The following COL15A1 variants were observed in gnomAD, a reference collection of about 807,000 sequenced individuals.
COL15A1 encodes collagen type XV alpha 1 chain.
In COL15A1, 111 loss-of-function variants were observed where a neutral mutation model predicts 165.9. That is an observed-to-expected ratio of 0.67 (90% CI 0.57 to 0.78). COL15A1 has a LOEUF of 0.78. Ranked by LOEUF, COL15A1 falls within the 30% of genes least tolerant of loss-of-function variation. The probability of loss-of-function intolerance (pLI) is 0.00; values close to 1 mark genes in which losing one functional copy is unlikely to be tolerated. For synonymous variants in COL15A1, 659 were observed against 674.8 expected (o/e 0.98, Z 0.36); for missense variants, 1,745 against 1,789.7 (o/e 0.98, Z 0.45).
chr9:98,999,527 C>CTTT (rs1318084201), intron 6 of COL15A1, among the ~76,000 whole-genome samples: 4 of 140,456 alleles, frequency 2.8e-5, no homozygotes, highest in South Asian at 2.3e-4. Context: ...TCTTCTTCTT[C>CTTT]TTTTTTTTTT....
chr9:98,945,939 G>A (rs900321502), intron 2 of COL15A1, among the ~76,000 whole-genome samples: 10 of 152,166 alleles, frequency 6.6e-5, no homozygotes, highest in Non-Finnish European at 1.5e-4. Flanking sequence ...CTAACACAAA[G>A]GAAGCCCTAT....
At chr9:99,029,406 C>G (rs765365914) in intron 16 of COL15A1, among the ~76,000 whole-genome samples, 2 of 152,204 alleles carry the variant, frequency 1.3e-5, no homozygotes, top group Non-Finnish European at 2.9e-5. Context: ...TCATCACCTT[C>G]CCTTTCTCCA....
chr9:99,058,780 C>T (rs1825766536), intron 35 of COL15A1, among the ~76,000 whole-genome samples: 1 of 152,156 alleles, frequency 6.6e-6, no homozygotes, highest in African/African-American at 2.4e-5. Flanking sequence ...TATTAGGAGG[C>T]ATGGCTGGGA....
intron 32 of COL15A1, among the ~76,000 whole-genome samples, 174 bp downstream of exon 32, chr9:99,054,830 A>G (rs1053157301): frequency 6.6e-6 from 1 of 152,216 alleles, no homozygotes; most frequent in Non-Finnish European, 1.5e-5. Flanking sequence ...AATAGGGAAC[A>G]TTGTCAAGAG....
intron 2 of COL15A1, among the ~76,000 whole-genome samples, chr9:98,973,010 C>G (rs541179425): frequency 9.2e-5 from 14 of 152,282 alleles, no homozygotes; most frequent in African/African-American, 3.4e-4. Context: ...AGAGAATGAT[C>G]CCTGCGTTGC....
chr9:99,035,372 C>G lies in COL15A1; in HGVS notation c.2243C>G (p.Thr748Ser). The G allele has an allele frequency of 6.2e-7, 1 of 1,614,174 alleles. No individual in the cohort carries two copies. The highest frequency in any genetic ancestry group is 8.5e-7 in the Non-Finnish European group (1 of 1,180,040). ...GFEDTEGSGSTQLLNEPKLSR... is the reference protein window; with the variant it reads ...GFEDTEGSGSSQLLNEPKLSR... ...CAGGATACCGAAGGCTCTGGAAGCA[C>G]CCAGCTATTGAATGAACCCAAACTC... The change falls in exon 19 of 42, where the codon ACC becomes AGC. Residue 748 changes from threonine (T) to serine (S), a missense_variant. Coordinates refer to ENST00000375001, the MANE Select transcript of COL15A1 (RefSeq NM_001855.5).
At chr9:99,022,761 G>C (rs957871796) in intron 13 of COL15A1, among the ~76,000 whole-genome samples, 2 of 152,192 alleles carry the variant, frequency 1.3e-5, no homozygotes, top group Non-Finnish European at 2.9e-5. Context: ...GGCCCTGCCT[G>C]GTTCCTGTCT....
At chr9:98,996,361 G>T (rs774994929) in intron 5 of COL15A1, among the ~76,000 whole-genome samples, 1 of 152,166 alleles carries the variant, frequency 6.6e-6, no homozygotes, top group Non-Finnish European at 1.5e-5. Flanking sequence ...GGATTTCTGC[G>T]TAGATCACTG....
At chr9:99,050,004 A>T in intron 30 of COL15A1, 109 bp downstream of exon 30, 2 of 1,462,788 alleles carry the variant, frequency 1.4e-6, no homozygotes, top group South Asian at 2.3e-5. Flanking sequence ...GTCCTCTCTG[A>T]TGTCTTCTGT....
At chr9:98,950,594 C>CCTT (rs1588487484) in intron 2 of COL15A1, among the ~76,000 whole-genome samples, 5 of 79,588 alleles carry the variant, frequency 6.3e-5, no homozygotes, top group Admixed American at 1.3e-4. Flanking sequence ...CTTCCTTCCT[C>CCTT]CCTCCCTCCC....
At chr9:98,950,701 A>AC (rs1287593423) in intron 2 of COL15A1, among the ~76,000 whole-genome samples, 11 of 148,814 alleles carry the variant, frequency 7.4e-5, no homozygotes, top group Non-Finnish European at 1.5e-5. Context: ...TGCAACCTCC[A>AC]CCTCCCAGGT....
rs1839448244 is a variant in COL15A1 at position 99,043,575 on chromosome 9, T to A, written c.2575-993T>A. Among the ~76,000 whole-genome samples the A allele has an allele frequency of 2.6e-5, 4 of 152,168 alleles. No individual in the cohort carries two copies. The South Asian group carries it at 8.3e-4, about 32-fold the overall frequency. On this transcript the variant is annotated intron_variant, in intron 24 of 41. Coordinates refer to ENST00000375001, the MANE Select transcript of COL15A1 (RefSeq NM_001855.5). ...CTAATGCTTTTGTGCTTGCTTCTTC[T>A]CCCTGCTGGCGTGCTCAGGACTACC...
At chr9:98,944,331 G>A (rs1837539675) in intron 2 of COL15A1, 81 bp downstream of exon 2, 5 of 1,327,034 alleles carry the variant, frequency 3.8e-6, no homozygotes, top group Admixed American at 1.9e-5. Context: ...ACGCGGCTGC[G>A]ATGCGTGCCT....
chr9:99,015,297 A>G (rs1838910305), intron 9 of COL15A1, 120 bp from the exon 10 acceptor site: 2 of 707,258 alleles, frequency 2.8e-6, no homozygotes, highest in Non-Finnish European at 2.5e-6. Context: ...AGCAAAGGAA[A>G]GGGAATCATG....
At chr9:99,015,705 G>A in intron 10 of COL15A1, 139 bp downstream of exon 10, 1 of 849,528 alleles carries the variant, frequency 1.2e-6, no homozygotes, top group Non-Finnish European at 1.8e-6. Flanking sequence ...CTGCTGGAGG[G>A]AGGCAGGACA....
chr9:99,062,953 A>G (rs1365329438), intron 38 of COL15A1, 97 bp from the exon 39 acceptor site: 1 of 1,437,386 alleles, frequency 7.0e-7, no homozygotes, highest in East Asian at 2.7e-5. Context: ...TATTTAAAGC[A>G]TCTTCTCAAG....
intron 2 of COL15A1, among the ~76,000 whole-genome samples, chr9:98,948,637 G>A (rs1564003121): frequency 6.6e-6 from 1 of 150,732 alleles, no homozygotes; most frequent in Non-Finnish European, 1.5e-5. Flanking sequence ...GTCAGTGGGT[G>A]TCACCCACAT....
intron 2 of COL15A1, among the ~76,000 whole-genome samples, chr9:98,948,506 G>C (rs1158820788): frequency 1.3e-5 from 2 of 150,676 alleles, no homozygotes; most frequent in Non-Finnish European, 2.9e-5. Context: ...GCTGAGGCAG[G>C]AGAATAGCTT....
At position 99,016,073 on chromosome 9, in the gene COL15A1, C is replaced by T. The variant is rs1437278468; in HGVS notation, c.1601C>T (p.Pro534Leu). The stretch of plus-strand genomic sequence containing the variant: ...TCCGGCAGCCCTCCCCCTGATGGGC[C>T]ACCGCTGCCCCTGCCCACAGTGGCT... Reference protein sequence around the residue: ...EESGSPPPDGPPLPLPTVAPE... With the variant: ...EESGSPPPDGLPLPLPTVAPE... Residue 534 changes from proline (P) to leucine (L), a missense_variant, in exon 11 of 42, where the codon CCA becomes CTA. By Grantham distance (98) the Pro-to-Leu change is moderately conservative. Transcript: ENST00000375001. 1.2e-6 allele frequency: 2 copies of T among 1,613,948 alleles called. No homozygotes were observed. The highest frequency in any genetic ancestry group is 1.7e-6 in the Non-Finnish European group (2 of 1,179,896).
Sources: allele counts gnomAD v4.1 joint callset (sites outside exome capture counted in the v4.1 genomes callset), GRCh38; gene constraint gnomAD v4.1.1; transcripts MANE v1.5; gene names NCBI Gene and HGNC (gene_info 2026-07-23, HGNC 2026-07-21).